Variants in PTPRD observed in about 807,000 individuals in gnomAD.
The protein encoded by PTPRD is protein tyrosine phosphatase receptor type D.
In PTPRD, 34 loss-of-function variants were observed where a neutral mutation model predicts 214.5. The ratio of observed to expected loss-of-function variants is 0.16; its 90% CI spans 0.12 to 0.21. PTPRD has a LOEUF of 0.21. Among genes scored for constraint, PTPRD ranks in the 10% least tolerant of loss-of-function variants. PTPRD has a pLI of 1.00. For synonymous variants in PTPRD, 1,128 were observed against 845.7 expected (o/e 1.33, Z -5.79); for missense variants, 2,545 against 2,398.7 (o/e 1.06, Z -1.27).
At chr9:10,339,477 A>C (rs958028618) in intron 3 of PTPRD, among the ~76,000 whole-genome samples, 14 of 151,786 alleles carry the variant, frequency 9.2e-5, no homozygotes, top group Admixed American at 9.2e-4. Flanking sequence ...ACTCTGAAAG[A>C]CTTCTTATCT....
intron 11 of PTPRD, among the ~76,000 whole-genome samples, chr9:9,005,171 T>C (rs1053632218): frequency 6.6e-6 from 1 of 152,062 alleles, no homozygotes; most frequent in Non-Finnish European, 1.5e-5. Flanking sequence ...TAGAGGAGCT[T>C]AATAATAAGC....
chr9:10,513,053 C>A (rs2048830896), intron 2 of PTPRD, among the ~76,000 whole-genome samples: 1 of 151,830 alleles, frequency 6.6e-6, no homozygotes, highest in Admixed American at 6.6e-5. Flanking sequence ...CAAAGACAAC[C>A]TGGTGAAAAA....
chr9:10,170,951 C>G (rs534371106), intron 3 of PTPRD, among the ~76,000 whole-genome samples: 1 of 152,180 alleles, frequency 6.6e-6, no homozygotes, highest in South Asian at 2.1e-4. Flanking sequence ...TAATTTTCAC[C>G]AAGTCCTTTT....
intron 9 of PTPRD, among the ~76,000 whole-genome samples, chr9:9,203,248 A>AAC (rs151327041): frequency 6.0e-5 from 9 of 150,606 alleles, no homozygotes; most frequent in African/African-American, 7.3e-5. Context: ...CACACACACA[A>AAC]ACACACACAC....
chr9:10,110,743 A>G (rs1224219893), intron 3 of PTPRD, among the ~76,000 whole-genome samples: 1 of 152,226 alleles, frequency 6.6e-6, no homozygotes, highest in African/African-American at 2.4e-5. Context: ...AAGTCACTTA[A>G]TACAGAAATA....
chr9:8,386,260 C>A (rs10117844), intron 37 of PTPRD, among the ~76,000 whole-genome samples: 5,804 of 152,250 alleles, frequency 0.038, 363 homozygotes, highest in African/African-American at 0.13. Context: ...CTACTTGGAA[C>A]TGTCCCATAG....
At chr9:8,358,309 T>C (rs2077478497) in intron 39 of PTPRD, among the ~76,000 whole-genome samples, 1 of 152,170 alleles carries the variant, frequency 6.6e-6, no homozygotes, top group African/African-American at 2.4e-5. Flanking sequence ...CACTTCTTAC[T>C]GGTTAAAATA....
At chr9:10,409,544 T>G (rs998966817) in intron 2 of PTPRD, among the ~76,000 whole-genome samples, 3 of 151,788 alleles carry the variant, frequency 2.0e-5, no homozygotes, top group Admixed American at 6.6e-5. Context: ...TTTTAAAAAT[T>G]TATCTCCTAC....
intron 12 of PTPRD, among the ~76,000 whole-genome samples, chr9:8,675,538 CAAAAAAAAAAAA>C (rs61509653): frequency 2.5e-3 from 125 of 49,124 alleles, no homozygotes; most frequent in African/African-American, 9.4e-3. Context: ...CACACACACA[CAAAAAAAAAAAA>C]AAAAAAAAAA....
At chr9:8,365,547 C>T (rs1186317432) in intron 39 of PTPRD, among the ~76,000 whole-genome samples, 1 of 152,072 alleles carries the variant, frequency 6.6e-6, no homozygotes, top group African/African-American at 2.4e-5. Flanking sequence ...TTGTATTTAG[C>T]CAGGCTGATG....
rs146061470 is a variant in PTPRD at position 8,316,080 on chromosome 9, A to G, written c.*1794T>C. On this transcript the variant is annotated 3_prime_UTR_variant, in exon 46 of 46. Coordinates refer to ENST00000381196, the MANE Select transcript of PTPRD (RefSeq NM_002839.4). ...TTCCAGAGCGGATTTGGAAGGGAAT[A>G]TAAATAAAACAAGTAGCTTTTTCTG... 1.0e-4 allele frequency: 24 copies of G among 229,616 alleles called. No homozygotes were observed. The highest frequency in any genetic ancestry group is 4.6e-4 in the African/African-American group (21 of 45,242). 14.2% of individuals were successfully genotyped at this position (229,616 alleles called of 1,614,324 possible).
At chr9:8,320,160 G>A (rs911170286) in intron 44 of PTPRD, among the ~76,000 whole-genome samples, 194 bp from the exon 45 acceptor site, 1 of 152,068 alleles carries the variant, frequency 6.6e-6, no homozygotes, top group Admixed American at 6.6e-5. Context: ...TGATAATGAG[G>A]ATGAAGTAAT....
chr9:9,791,806 G>A (rs958613080), intron 5 of PTPRD, among the ~76,000 whole-genome samples: 3 of 152,056 alleles, frequency 2.0e-5, no homozygotes, highest in Non-Finnish European at 4.4e-5. Flanking sequence ...TTTTGCTTAT[G>A]GGAAGTTATA....
intron 11 of PTPRD, among the ~76,000 whole-genome samples, chr9:8,965,195 T>G (rs1012204177): frequency 1.3e-5 from 2 of 151,944 alleles, no homozygotes; most frequent in African/African-American, 4.8e-5. Context: ...CTGGCCAACA[T>G]GATGAAACCC....
intron 14 of PTPRD, among the ~76,000 whole-genome samples, chr9:8,611,982 G>C (rs1441539137): frequency 1.5e-5 from 2 of 129,618 alleles, no homozygotes; most frequent in Non-Finnish European, 3.2e-5. Context: ...GGGAGGGGAG[G>C]GGAGGGGAGG....
At chr9:9,349,030 A>T (rs920241757) in intron 9 of PTPRD, among the ~76,000 whole-genome samples, 3 of 152,100 alleles carry the variant, frequency 2.0e-5, no homozygotes, top group African/African-American at 7.2e-5. Flanking sequence ...TGTATTTTGT[A>T]GCCAATTACT....
rs868379903 is a variant in PTPRD at position 8,526,536 on chromosome 9, A to G, written c.568+91T>C. 3.4e-6 allele frequency: 4 copies of G among 1,176,972 alleles called. No homozygotes were observed. The Middle Eastern group carries it at 6.3e-4, about 186-fold the overall frequency. 72.9% of individuals were successfully genotyped at this position (1,176,972 alleles called of 1,614,324 possible). A position where few individuals can be genotyped will look rare whatever the true frequency, so the allele number is the denominator to read the frequency against. On this transcript the variant is annotated intron_variant, in intron 17 of 45. Transcript: ENST00000381196. The stretch of plus-strand genomic sequence containing the variant: ...AAAAAAGTTGATGGACATTATTGGA[A>G]TGACGCTGAAAACAGGACAAAGATG...
chr9:10,171,985 C>G (rs968682998), intron 3 of PTPRD, among the ~76,000 whole-genome samples: 1 of 152,034 alleles, frequency 6.6e-6, no homozygotes, highest in African/African-American at 2.4e-5. Flanking sequence ...TTTCAAGGAG[C>G]CAAATGATAC....
At position 10,509,853 on chromosome 9, in the gene PTPRD, G is replaced by C. The variant is rs1044926800; in HGVS notation, c.-600+102545C>G. On this transcript the variant is annotated intron_variant, in intron 2 of 45. Transcript: ENST00000381196. ...ATGTATACCAACTCATATATATACA[G>C]GTATATATTTATTCCTCTATTTATC... Among the ~76,000 whole-genome samples, 3 of 151,522 alleles carry C rather than the reference G, an allele frequency of 2.0e-5. No homozygotes were observed. In the Admixed American group the frequency reaches 2.0e-4, roughly 10 times the overall value.
Sources: gnomAD v4.1 joint callset for allele counts (sites outside exome capture counted in the v4.1 genomes callset) on GRCh38, gnomAD v4.1.1 for gene constraint, MANE v1.5 for transcripts, NCBI Gene and HGNC (gene_info 2026-07-23, HGNC 2026-07-21) for gene names.